Variants in GABRR1 observed in about 807,000 individuals in gnomAD.
GABRR1 encodes gamma-aminobutyric acid type A receptor subunit rho1, also known as gamma-aminobutyric acid receptor subunit rho-1.
A neutral mutation model predicts 55.5 loss-of-function variants in GABRR1; 59 were observed. The ratio of observed to expected loss-of-function variants is 1.06; its 90% CI spans 0.86 to 1.32. The LOEUF (loss-of-function observed/expected upper bound fraction) is 1.32. GABRR1 is among the 40% of genes most tolerant of loss of function. GABRR1 has a pLI of 0.00. For missense variants in GABRR1, 602 were observed against 619.1 expected, an observed-to-expected ratio of 0.97 and a Z score of 0.29; for synonymous variants, 213 against 226.0, an observed-to-expected ratio of 0.94 and a Z score of 0.51.
chr6:89,195,071 A>T (rs1039569505), intron 5 of GABRR1, among the ~76,000 whole-genome samples: 1 of 152,308 alleles, frequency 6.6e-6, no homozygotes, highest in Middle Eastern at 3.4e-3. Context: ...TGCAAATAAG[A>T]CTATCTCCAG....
At chr6:89,197,314 G>T (rs1417832267) in intron 5 of GABRR1, among the ~76,000 whole-genome samples, 1 of 152,200 alleles carries the variant, frequency 6.6e-6, no homozygotes, top group East Asian at 1.9e-4. Context: ...AAGCACAAGA[G>T]GAGCAGACCA....
Position 89,178,693 on chromosome 6 carries a change from C to T in GABRR1, c.*77G>A, listed in dbSNP as rs1771613960. The T allele has an allele frequency of 7.6e-7, 1 of 1,324,206 alleles. No individual in the cohort carries two copies. Among genetic ancestry groups the T allele is most frequent in the Non-Finnish European group, 1.1e-6 (1 of 947,452 alleles). 82.0% of individuals were successfully genotyped at this position (1,324,206 alleles called of 1,614,324 possible). A position where few individuals can be genotyped will look rare whatever the true frequency, so the allele number is the denominator to read the frequency against. Reference sequence around the variant, plus strand: ...CCTGGGATTTTTTTTTAACCATATCCTTAAATACTTTTTCATTATACAGTT... The same window carrying T: ...CCTGGGATTTTTTTTTAACCATATCTTTAAATACTTTTTCATTATACAGTT... On this transcript the variant is annotated 3_prime_UTR_variant, in exon 10 of 10. Transcript: ENST00000454853.
intron 1 of GABRR1, among the ~76,000 whole-genome samples, chr6:89,231,004 C>T (rs1237968849): frequency 4.6e-5 from 7 of 151,942 alleles, no homozygotes; most frequent in African/African-American, 1.5e-4. Context: ...GCGCAATATT[C>T]GGGTGGGAGT....
At chr6:89,229,834 C>G (rs893589073) in intron 1 of GABRR1, among the ~76,000 whole-genome samples, 1 of 126,616 alleles carries the variant, frequency 7.9e-6, no homozygotes, top group African/African-American at 3.0e-5. Flanking sequence ...GGGAAGTTCT[C>G]CTGGATAATA....
intron 7 of GABRR1, among the ~76,000 whole-genome samples, chr6:89,182,700 T>C (rs1771766342): frequency 6.6e-6 from 1 of 152,092 alleles, no homozygotes; most frequent in Admixed American, 6.6e-5. Flanking sequence ...CCAAACCTAC[T>C]TAATTGGAGG....
At chr6:89,211,866 C>T (rs1020478133) in intron 1 of GABRR1, among the ~76,000 whole-genome samples, 1 of 152,188 alleles carries the variant, frequency 6.6e-6, no homozygotes, top group Non-Finnish European at 1.5e-5. Context: ...TTTATCTTCT[C>T]CTTAAATGCT....
chr6:89,183,089 G>A (rs1164408699), intron 7 of GABRR1, among the ~76,000 whole-genome samples: 1 of 147,416 alleles, frequency 6.8e-6, no homozygotes, highest in Non-Finnish European at 1.5e-5. Context: ...CTCTTCTTTT[G>A]TGTCCTTACA....
At chr6:89,215,035 C>G (rs1772944177) in intron 1 of GABRR1, among the ~76,000 whole-genome samples, 1 of 152,038 alleles carries the variant, frequency 6.6e-6, no homozygotes, top group Admixed American at 6.6e-5. Context: ...AAAAGATGAA[C>G]AAGTACAAGC....
chr6:89,179,623 C>T (rs1478108365), intron 9 of GABRR1, among the ~76,000 whole-genome samples: 2 of 152,226 alleles, frequency 1.3e-5, no homozygotes, highest in Non-Finnish European at 2.9e-5. Flanking sequence ...ATAGATCACC[C>T]TGTTCTCCAT....
rs71913424 is a variant in GABRR1, at chr6:89,189,042, C to CTGTGTGTG, written c.655+1115_655+1122dup. Among the ~76,000 whole-genome samples the CTGTGTGTG allele has an allele frequency of 3.1e-3, 457 of 147,532 alleles. 2 individuals carry two copies. Among genetic ancestry groups the CTGTGTGTG allele is most frequent in the African/African-American group, 8.8e-3 (352 of 40,208 alleles). ...ATGAGCTCTCTGGATGAACTCATGT[C>CTGTGTGTG]TGTGTGTGTGTGTGTGTGTGTGTGT... On this transcript the variant is annotated intron_variant, in intron 6 of 9. Transcript: ENST00000454853.
intron 1 of GABRR1, among the ~76,000 whole-genome samples, chr6:89,223,860 T>C (rs1274966356): frequency 6.6e-6 from 1 of 150,824 alleles, no homozygotes; most frequent in African/African-American, 2.4e-5. Context: ...GCCTCCTGGG[T>C]TCAAGCGATT....
intron 7 of GABRR1, among the ~76,000 whole-genome samples, chr6:89,183,084 CTTTT>C (rs1319267357): frequency 7.1e-6 from 1 of 140,820 alleles, no homozygotes; most frequent in Middle Eastern, 4.1e-3. Flanking sequence ...TTTAGCTCTT[CTTTT>C]GTGTCCTTAC....
intron 1 of GABRR1, among the ~76,000 whole-genome samples, chr6:89,207,202 AT>A (rs1190948699): frequency 2.6e-5 from 4 of 151,408 alleles, no homozygotes; most frequent in African/African-American, 9.7e-5. Context: ...TTTAATGTTA[AT>A]TTTTTTTTGA....
chr6:89,218,597 T>TA (rs1773061449), upstream of GABRR1, among the ~76,000 whole-genome samples: 1 of 152,248 alleles, frequency 6.6e-6, no homozygotes, highest in South Asian at 2.1e-4. Context: ...GTTGTTTGCA[T>TA]AGGTTTAGTA....
At chr6:89,202,179 C>A (rs1582395371) in intron 2 of GABRR1, among the ~76,000 whole-genome samples, 1 of 152,328 alleles carries the variant, frequency 6.6e-6, no homozygotes, top group East Asian at 1.9e-4. Context: ...TGGTAACATA[C>A]TTTTAGCAGT....
rs1001825486 is a variant in GABRR1 at position 89,177,585 on chromosome 6, T to C, written c.*1185A>G. The C allele has an allele frequency of 1.3e-5, 2 of 152,176 alleles. No homozygotes were observed. The highest frequency in any genetic ancestry group is 2.9e-5 in the Non-Finnish European group (2 of 68,038). The allele number at this position is 152,176 out of a possible 1,614,324, so 9.4% of individuals were successfully genotyped here. A position where few individuals can be genotyped will look rare whatever the true frequency, so the allele number is the denominator to read the frequency against. ...GGTAAGTTTGGTGGAGGTTGATCTATATAGCAGATATATAATATAAATAAC... is the reference window on the plus strand; with the variant it reads ...GGTAAGTTTGGTGGAGGTTGATCTACATAGCAGATATATAATATAAATAAC... On this transcript the variant is annotated 3_prime_UTR_variant, in exon 10 of 10. Coordinates refer to ENST00000454853, the MANE Select transcript of GABRR1 (RefSeq NM_002042.5).
chr6:89,185,532 G>T, intron 6 of GABRR1, 82 bp from the exon 7 acceptor site: 1 of 1,203,400 alleles, frequency 8.3e-7, no homozygotes, highest in Non-Finnish European at 1.2e-6. Flanking sequence ...GCTGTGTCCT[G>T]ACCTCCCACA....
At chr6:89,191,492 C>T (rs184672471) in intron 5 of GABRR1, among the ~76,000 whole-genome samples, 1 of 152,308 alleles carries the variant, frequency 6.6e-6, no homozygotes, top group Admixed American at 6.5e-5. Flanking sequence ...AACAAGGGGA[C>T]TGAATACTCC....
intron 6 of GABRR1, among the ~76,000 whole-genome samples, chr6:89,189,958 A>G (rs919155224): frequency 6.6e-5 from 10 of 152,126 alleles, no homozygotes; most frequent in Non-Finnish European, 1.0e-4. Flanking sequence ...AGGCAGGAGA[A>G]TCACTTGAAC....
Sources: gnomAD v4.1 joint callset for allele counts (sites outside exome capture counted in the v4.1 genomes callset) on GRCh38, gnomAD v4.1.1 for gene constraint, MANE v1.5 for transcripts, NCBI Gene and HGNC (gene_info 2026-07-23, HGNC 2026-07-21) for gene names.